Variants in SUFU observed in about 807,000 individuals in gnomAD.
SUFU encodes suppressor of fused homolog.
In SUFU, 7 loss-of-function variants were observed where a neutral mutation model predicts 58.9. That is an observed-to-expected ratio of 0.12 (90% CI 0.07 to 0.22). The LOEUF (loss-of-function observed/expected upper bound fraction) is 0.22. Among genes scored for constraint, SUFU ranks in the 10% least tolerant of loss-of-function variants. SUFU has a pLI of 1.00. For synonymous variants in SUFU, 232 were observed against 254.8 expected (o/e 0.91, Z 0.85); for missense variants, 451 against 641.3 (o/e 0.70, Z 3.20).
rs556829402 is a variant in SUFU, at chr10:102,591,370, C to A, written c.455-1212C>A. Among the ~76,000 whole-genome samples the A allele has an allele frequency of 9.9e-5, 15 of 152,106 alleles. No homozygotes were observed. In the South Asian group the frequency reaches 1.5e-3, roughly 15 times the overall value. On this transcript the variant is annotated intron_variant, in intron 3 of 11. Transcript: ENST00000369902. Reference sequence around the variant, plus strand: ...AAAAAATTAGCCAGGTGTGGTGGCACATGCCAGTAATCCCAGCTACTCAGG... The same window carrying A: ...AAAAAATTAGCCAGGTGTGGTGGCAAATGCCAGTAATCCCAGCTACTCAGG...
In SUFU at chr10:102,619,639, C is replaced by A. The variant is rs957350672; in HGVS notation, c.1296+2211C>A. 2.0e-5 allele frequency among the ~76,000 whole-genome samples: 3 copies of A among 152,144 alleles called. No homozygotes were observed. Among genetic ancestry groups the A allele is most frequent in the Non-Finnish European group, 4.4e-5 (3 of 68,018 alleles). ...GAAACCCTCTGACCCTGCCCCCAGC[C>A]GGATTCTCAGCAGTGGAGCCAACAC... On this transcript the variant is annotated intron_variant, in intron 10 of 11. Coordinates refer to ENST00000369902, the MANE Select transcript of SUFU (RefSeq NM_016169.4). This position sits in a 1 kb window ranked among gnomAD's most constrained non-coding sequence, Gnocchi z 4.2.
intron 3 of SUFU, among the ~76,000 whole-genome samples, chr10:102,554,001 G>A (rs1047846936): frequency 1.3e-5 from 2 of 152,334 alleles, no homozygotes; most frequent in Admixed American, 6.5e-5. Context: ...GCTGAGGTGG[G>A]AGGATTACGC....
chr10:102,516,899 G>A lies in SUFU; in HGVS notation c.317+7596G>A, dbSNP rs1394115432. On this transcript the variant is annotated intron_variant, in intron 2 of 11. Transcript: ENST00000369902. ...AGCATTTTGGGAGGCTGAGGTGGGC[G>A]GATCACCTGAGGTCAGGAGTTCGAG... Among the ~76,000 whole-genome samples the A allele has an allele frequency of 5.9e-5, 9 of 151,316 alleles. No individual in the cohort carries two copies. The East Asian group carries it at 7.8e-4, about 13-fold the overall frequency.
Position 102,592,747 on chromosome 10 carries a change from G to A in SUFU, c.597+23G>A, listed in dbSNP as rs771697015. The A allele has an allele frequency of 2.5e-6, 4 of 1,613,218 alleles. No individual in the cohort carries two copies. In the Admixed American group the frequency reaches 6.7e-5, roughly 27 times the overall value. ...CAGGTGAGGCACAGGTTGGACGCTG[G>A]CTCAAGCCTTCCTGTGGGAAGGGTC... On this transcript the variant is annotated intron_variant, in intron 4 of 11. Coordinates refer to ENST00000369902, the MANE Select transcript of SUFU (RefSeq NM_016169.4).
At chr10:102,535,165 G>C (rs1180827141) in intron 2 of SUFU, among the ~76,000 whole-genome samples, 2 of 152,130 alleles carry the variant, frequency 1.3e-5, no homozygotes, top group African/African-American at 2.4e-5. Context: ...CTGGGACCAG[G>C]AGGAAGGGGA....
chr10:102,622,513 C>T (rs1481509182), intron 10 of SUFU, among the ~76,000 whole-genome samples: 3 of 152,102 alleles, frequency 2.0e-5, no homozygotes, highest in East Asian at 1.9e-4. Flanking sequence ...GAGGCCGAGG[C>T]GGGCGGATCA....
At chr10:102,549,887 A>G in intron 2 of SUFU, 83 bp from the exon 3 acceptor site, 1 of 1,576,242 alleles carries the variant, frequency 6.3e-7, no homozygotes, top group Non-Finnish European at 8.7e-7. Context: ...GCCACCATAA[A>G]AAGGGGGAGA....
At chr10:102,509,041 C>T in intron 1 of SUFU, 128 bp from the exon 2 acceptor site, 2 of 1,307,498 alleles carry the variant, frequency 1.5e-6, no homozygotes, top group Non-Finnish European at 2.2e-6. Context: ...GATGTGGCCT[C>T]TGTTTAGTTA....
intron 6 of SUFU, 58 bp downstream of exon 6, chr10:102,594,123 A>C: frequency 6.5e-7 from 1 of 1,549,762 alleles, no homozygotes; most frequent in South Asian, 1.1e-5. Flanking sequence ...TCTTCCAAAT[A>C]ACACTGGCTT....
rs376596356 is a variant in SUFU, at chr10:102,518,519, G to GTCTATCTATCTATCTATCTATCTATCTA, written c.317+9218_317+9245dup. Among the ~76,000 whole-genome samples the GTCTATCTATCTATCTATCTATCTATCTA allele has an allele frequency of 2.7e-4, 40 of 147,114 alleles. 1 individual carries two copies. Among genetic ancestry groups the GTCTATCTATCTATCTATCTATCTATCTA allele is most frequent in the African/African-American group, 5.0e-4 (20 of 39,704 alleles). On this transcript the variant is annotated intron_variant, in intron 2 of 11. Coordinates refer to ENST00000369902, the MANE Select transcript of SUFU (RefSeq NM_016169.4). ...TATCTATCTAACTGTCTGTCTGTCT[G>GTCTATCTATCTATCTATCTATCTATCTA]TCTATCTATCTATCTATCTATCTAT...
At chr10:102,527,277 C>T (rs1167782032) in intron 2 of SUFU, among the ~76,000 whole-genome samples, 1 of 151,950 alleles carries the variant, frequency 6.6e-6, no homozygotes, top group East Asian at 1.9e-4. Context: ...GCTGGGATTA[C>T]AGGCGTGAGC....
intron 2 of SUFU, among the ~76,000 whole-genome samples, chr10:102,524,169 A>G (rs2062581539): frequency 6.6e-6 from 1 of 152,034 alleles, no homozygotes; most frequent in Admixed American, 6.6e-5. Context: ...TCTTCTTTTT[A>G]AAAAGTTATA....
chr10:102,512,510 G>A (rs1290624283), intron 2 of SUFU, among the ~76,000 whole-genome samples: 1 of 152,118 alleles, frequency 6.6e-6, no homozygotes, highest in African/African-American at 2.4e-5. Context: ...ATTTCAGAAG[G>A]GGCAACCTCT....
intron 2 of SUFU, among the ~76,000 whole-genome samples, chr10:102,545,904 G>A (rs1350502844): frequency 6.6e-6 from 1 of 152,208 alleles, no homozygotes; most frequent in Non-Finnish European, 1.5e-5. Context: ...AGCCCAGGAG[G>A]CAGAGGCTGC....
intron 3 of SUFU, among the ~76,000 whole-genome samples, chr10:102,578,531 A>G (rs1181346660): frequency 6.6e-6 from 1 of 151,812 alleles, no homozygotes; most frequent in Non-Finnish European, 1.5e-5. Context: ...AACATGGTGA[A>G]ACCCTGTCTG....
chr10:102,540,135 G>T (rs2062782474), intron 2 of SUFU, among the ~76,000 whole-genome samples: 1 of 152,216 alleles, frequency 6.6e-6, no homozygotes, highest in South Asian at 2.1e-4. Flanking sequence ...GCCAGCCCAG[G>T]AATCAGCCAT....
At chr10:102,539,085 G>A (rs1313746972) in intron 2 of SUFU, among the ~76,000 whole-genome samples, 3 of 152,152 alleles carry the variant, frequency 2.0e-5, no homozygotes, top group Admixed American at 1.3e-4. Flanking sequence ...CTGGTATGTG[G>A]GGCTTTCAGT....
At chr10:102,573,157 C>T in intron 3 of SUFU, 1 of 773,058 alleles carries the variant, frequency 1.3e-6, no homozygotes, top group South Asian at 1.3e-5. Flanking sequence ...CCTTCTTGGC[C>T]TTCAAAGCCT....
intron 10 of SUFU, among the ~76,000 whole-genome samples, chr10:102,626,347 G>A (rs2063786137): frequency 6.6e-6 from 1 of 152,200 alleles, no homozygotes; most frequent in Admixed American, 6.5e-5. Flanking sequence ...TTGGACGTTG[G>A]TATTGGCTGT....
Sources: gnomAD v4.1 joint callset for allele counts (sites outside exome capture counted in the v4.1 genomes callset) on GRCh38, gnomAD v4.1.1 for gene constraint, Gnocchi (gnomAD v3.1) non-coding constraint, MANE v1.5 for transcripts, NCBI Gene and HGNC (gene_info 2026-07-23, HGNC 2026-07-21) for gene names.